RARB: variants seen among roughly 807,000 people sequenced by gnomAD.
The protein encoded by RARB is HBV-activated protein.
RARB carries 17 observed loss-of-function variants against 51.9 expected under a neutral mutation model. The observed-to-expected ratio is 0.33, with a 90% CI of 0.22 to 0.49. The LOEUF is 0.49. Ranked by LOEUF, RARB falls within the 20% of genes least tolerant of loss-of-function variation. RARB has a pLI of 0.99. For synonymous variants in RARB, 215 were observed against 195.4 expected (o/e 1.10, Z -0.84); for missense variants, 369 against 550.8 (o/e 0.67, Z 3.30).
At chr3:25,071,066 C>A (rs1278990037) in intron 3 of RARB, among the ~76,000 whole-genome samples, 2 of 152,150 alleles carry the variant, frequency 1.3e-5, no homozygotes, top group Non-Finnish European at 2.9e-5. Flanking sequence ...AAAATGGAGA[C>A]ACTAAAATGT....
At chr3:24,886,908 G>GT (rs1559383426) in intron 2 of RARB, among the ~76,000 whole-genome samples, 1 of 152,170 alleles carries the variant, frequency 6.6e-6, no homozygotes, top group African/African-American at 2.4e-5. Context: ...TCTACAAAAC[G>GT]TTTTGAATTG....
chr3:25,526,904 A>C (rs763181521), intron 3 of RARB, among the ~76,000 whole-genome samples: 8 of 152,178 alleles, frequency 5.3e-5, no homozygotes, highest in Non-Finnish European at 1.2e-4. Flanking sequence ...TTGCCAATGA[A>C]TGTTCTTGCC....
chr3:24,933,534 T>C, intron 2 of RARB, among the ~76,000 whole-genome samples: 1 of 152,106 alleles, frequency 6.6e-6, no homozygotes, highest in East Asian at 1.9e-4. Flanking sequence ...CGGATCTGAC[T>C]TCCTCCAGGC....
At chr3:25,232,973 C>CTTTT (rs71061205) in intron 5 of RARB, among the ~76,000 whole-genome samples, 1,701 of 118,720 alleles carry the variant, frequency 0.014, 28 homozygotes, top group Non-Finnish European at 0.022. Context: ...TTTTCTTTTT[C>CTTTT]TTTTTTTTTT....
intron 2 of RARB, among the ~76,000 whole-genome samples, chr3:24,875,186 T>C (rs1703017563): frequency 6.6e-6 from 1 of 152,172 alleles, no homozygotes; most frequent in East Asian, 1.9e-4. Context: ...TGGAATCATT[T>C]TTCTTCTTGA....
intron 5 of RARB, among the ~76,000 whole-genome samples, chr3:25,208,515 GC>G (rs1391630106): frequency 6.6e-6 from 1 of 151,952 alleles, no homozygotes; most frequent in Non-Finnish European, 1.5e-5. Flanking sequence ...TAGGAGAATA[GC>G]CCCAAAATCT....
intron 4 of RARB, among the ~76,000 whole-genome samples, chr3:25,164,055 G>C (rs1355727863): frequency 6.6e-6 from 1 of 151,724 alleles, no homozygotes; most frequent in South Asian, 2.1e-4. Flanking sequence ...TCAGGGTTGT[G>C]TGGTGACATT....
chr3:25,400,010 C>A (rs541822111), intron 5 of RARB, among the ~76,000 whole-genome samples: 1 of 152,074 alleles, frequency 6.6e-6, no homozygotes, highest in Non-Finnish European at 1.5e-5. Flanking sequence ...TGAGGATTCT[C>A]CTAAAGAGTT....
At chr3:25,478,666 C>T (rs764196780) in intron 2 of RARB, among the ~76,000 whole-genome samples, 2 of 152,180 alleles carry the variant, frequency 1.3e-5, no homozygotes, top group South Asian at 2.1e-4. Flanking sequence ...ATCGACATGA[C>T]GTCTATGGAC....
At chr3:25,195,289 A>C (rs1701205210) in intron 5 of RARB, among the ~76,000 whole-genome samples, 1 of 152,018 alleles carries the variant, frequency 6.6e-6, no homozygotes. Context: ...GTATCACTTA[A>C]GAATAGGTAG....
At position 25,187,471 on chromosome 3, in the gene RARB, T is replaced by C. The variant is rs767605141; in HGVS notation, c.178+12896T>C. Reference sequence around the variant, plus strand: ...TCCAGTATGCTTTGCCATATGCATATATGTTACATTTTTATAGCTTATTAA... The same window carrying C: ...TCCAGTATGCTTTGCCATATGCATACATGTTACATTTTTATAGCTTATTAA... On this transcript the variant is annotated intron_variant, in intron 5 of 11. Transcript: ENST00000383772. Among the ~76,000 whole-genome samples the C allele has an allele frequency of 1.4e-3, 208 of 152,124 alleles. 3 individuals carry two copies. The highest frequency in any genetic ancestry group is 3.7e-4 in the Non-Finnish European group (25 of 68,002).
rs1447933409 is a variant in RARB, at chr3:24,986,574, AAATTT to A, written c.-379-73545_-379-73541del. ...AATAGTAGTTAATGTTGTGTCGCTG[AAATTT>A]AATTTGTCTTCTCTGGATTCTGCTT... On this transcript the variant is annotated intron_variant, in intron 2 of 11. Coordinates refer to the RARB transcript ENST00000383772. Among the ~76,000 whole-genome samples, 14 of 152,318 alleles carry A rather than the reference AAATTT, an allele frequency of 9.2e-5. No individual in the cohort carries two copies. The East Asian group carries it at 2.7e-3, about 29-fold the overall frequency.
chr3:25,135,208 A>C (rs1180760396), intron 4 of RARB, among the ~76,000 whole-genome samples: 1 of 151,982 alleles, frequency 6.6e-6, no homozygotes, highest in African/African-American at 2.4e-5. Flanking sequence ...TGAGCGCTCA[A>C]AAATAGCTAG....
chr3:25,527,750 T>G (rs1349316809), intron 3 of RARB, among the ~76,000 whole-genome samples: 1 of 152,192 alleles, frequency 6.6e-6, no homozygotes, highest in South Asian at 2.1e-4. Flanking sequence ...AACCTAAATG[T>G]GATTATTTCT....
intron 2 of RARB, among the ~76,000 whole-genome samples, chr3:24,928,721 T>G (rs779076585): frequency 6.6e-6 from 1 of 152,038 alleles, no homozygotes; most frequent in Non-Finnish European, 1.5e-5. Context: ...TACTTGGGGA[T>G]AATTCACTTT....
intron 2 of RARB, among the ~76,000 whole-genome samples, chr3:25,471,518 T>C (rs1214187636): frequency 6.6e-6 from 1 of 151,936 alleles, no homozygotes; most frequent in Non-Finnish European, 1.5e-5. Flanking sequence ...TGTCTTTTTT[T>C]TTTTTTCCTT....
At position 25,252,196 on chromosome 3, in the gene RARB, C is replaced by A. The variant is rs529417200; in HGVS notation, c.178+77621C>A. Reference sequence around the variant, plus strand: ...TATAAGTGCTTACTTCTGGACTACACATCTATTTCTTTGATCTATATGTCT... The same window carrying A: ...TATAAGTGCTTACTTCTGGACTACAAATCTATTTCTTTGATCTATATGTCT... On this transcript the variant is annotated intron_variant, in intron 5 of 11. Transcript: ENST00000383772. 3.9e-5 allele frequency among the ~76,000 whole-genome samples: 6 copies of A among 152,250 alleles called. No homozygotes were observed. The South Asian group carries it at 1.2e-3, about 32-fold the overall frequency.
chr3:25,109,518 G>T (rs1349065125), intron 3 of RARB, among the ~76,000 whole-genome samples: 1 of 152,106 alleles, frequency 6.6e-6, no homozygotes, highest in African/African-American at 2.4e-5. Flanking sequence ...CTCCTGAAAA[G>T]CAAAATATAT....
Position 25,472,503 on chromosome 3 carries a change from G to GT in RARB, c.306+11170dup, listed in dbSNP as rs199904412. 3.1e-3 allele frequency among the ~76,000 whole-genome samples: 470 copies of GT among 152,118 alleles called. 2 individuals are homozygous for GT. Among genetic ancestry groups the GT allele is most frequent in the African/African-American group, 0.011 (437 of 41,498 alleles). On this transcript the variant is annotated intron_variant, in intron 2 of 7. Transcript: ENST00000330688. ...GTGAAGAGCTAAGTTTCTACCATAG[G>GT]TTTTTTTTATTTGATCCTCATCATA...
Sources: gnomAD v4.1 joint callset for allele counts (sites outside exome capture counted in the v4.1 genomes callset) on GRCh38, gnomAD v4.1.1 for gene constraint, MANE v1.5 for transcripts, NCBI Gene and HGNC (gene_info 2026-07-23, HGNC 2026-07-21) for gene names.